Variants in SYN3 observed in about 807,000 individuals in gnomAD.
SYN3 encodes synapsin-3.
A neutral mutation model predicts 65.8 loss-of-function variants in SYN3; 35 were observed. The observed-to-expected ratio is 0.53, with a 90% CI of 0.41 to 0.70. The LOEUF (loss-of-function observed/expected upper bound fraction) is 0.70, where lower values mean the gene tolerates loss of function less well. Ranked by LOEUF, SYN3 falls within the 30% of genes least tolerant of loss-of-function variation. SYN3 has a pLI of 0.00. For synonymous variants in SYN3, 270 were observed against 292.9 expected, an observed-to-expected ratio of 0.92 and a Z score of 0.80; for missense variants, 680 against 749.0, an observed-to-expected ratio of 0.91 and a Z score of 1.08.
chr22:32,519,033 C>T (rs992368792), intron 12 of SYN3, among the ~76,000 whole-genome samples: 1 of 152,160 alleles, frequency 6.6e-6, no homozygotes, highest in African/African-American at 2.4e-5. Context: ...ACAAAGAAGG[C>T]TGCCATCTGC....
intron 6 of SYN3, among the ~76,000 whole-genome samples, chr22:32,850,302 C>T (rs1163644245): frequency 6.6e-6 from 1 of 151,938 alleles, no homozygotes; most frequent in Non-Finnish European, 1.5e-5. Context: ...TCCTGGGCCG[C>T]AGTTTTGCCA....
At chr22:32,812,354 T>C (rs900350192) in intron 6 of SYN3, among the ~76,000 whole-genome samples, 5 of 152,170 alleles carry the variant, frequency 3.3e-5, no homozygotes, top group African/African-American at 1.2e-4. Context: ...AAACCTCTAG[T>C]GAGCTGAGAT....
chr22:32,796,391 A>G (rs1156384713), intron 6 of SYN3, among the ~76,000 whole-genome samples: 1 of 152,190 alleles, frequency 6.6e-6, no homozygotes, highest in African/African-American at 2.4e-5. Flanking sequence ...CTGAGGATTC[A>G]TGCGAATGTA....
At chr22:32,555,207 C>T (rs927807184) in intron 7 of SYN3, among the ~76,000 whole-genome samples, 1 of 152,158 alleles carries the variant, frequency 6.6e-6, no homozygotes, top group African/African-American at 2.4e-5. Flanking sequence ...CTGAAACTCA[C>T]AAGCTGTAAC....
At chr22:32,822,491 G>T (rs2047278391) in intron 6 of SYN3, among the ~76,000 whole-genome samples, 1 of 152,192 alleles carries the variant, frequency 6.6e-6, no homozygotes, top group African/African-American at 2.4e-5. Context: ...GTATGTTCCT[G>T]TGCATCGAAA....
At chr22:32,635,742 A>G (rs974014899) in intron 6 of SYN3, among the ~76,000 whole-genome samples, 3 of 152,184 alleles carry the variant, frequency 2.0e-5, no homozygotes, top group Non-Finnish European at 4.4e-5. Flanking sequence ...TGTTCTCCAA[A>G]TCAGATGGAG....
At chr22:32,978,445 A>C (rs1209762876) in intron 3 of SYN3, among the ~76,000 whole-genome samples, 1 of 152,022 alleles carries the variant, frequency 6.6e-6, no homozygotes. Context: ...TATTTTGGAG[A>C]ACCACACCGC....
At position 32,751,607 on chromosome 22, in the gene SYN3, G is replaced by A. The variant is rs150797290; in HGVS notation, c.711+113308C>T. Among the ~76,000 whole-genome samples, 522 of 152,340 alleles carry A rather than the reference G, an allele frequency of 3.4e-3. 1 individual carries two copies. Among genetic ancestry groups the A allele is most frequent in the African/African-American group, 0.012 (488 of 41,574 alleles). On this transcript the variant is annotated intron_variant, in intron 6 of 13. Transcript: ENST00000358763. ...AGTTTCTGGTGGTGACCTTGGCAGAGGGTGTTGACAGCAGTGGGATATCAC... is the reference window on the plus strand; with the variant it reads ...AGTTTCTGGTGGTGACCTTGGCAGAAGGTGTTGACAGCAGTGGGATATCAC...
chr22:32,820,192 C>A (rs2047197269), intron 6 of SYN3, among the ~76,000 whole-genome samples: 1 of 152,070 alleles, frequency 6.6e-6, no homozygotes, highest in African/African-American at 2.4e-5. Context: ...CTTCCTCACT[C>A]CCTCAGGGCA....
chr22:33,006,523 G>A lies in SYN3; in HGVS notation c.140C>T (p.Pro47Leu). ...SPAMERRHPQPLAASFSSPGS... is the reference protein window; with the variant it reads ...SPAMERRHPQLLAASFSSPGS... ...TGGAGAGGAGAAGGAGGCAGCCAGG[G>A]GCTGGGGGTGCCTCCTCTCCATGGC... Residue 47 changes from proline (P) to leucine (L), a missense_variant, in exon 2 of 14, where the codon CCC (proline) becomes CTC (leucine). Coordinates refer to ENST00000358763, the MANE Select transcript of SYN3 (RefSeq NM_003490.4). The A allele has an allele frequency of 1.2e-6, 2 of 1,614,236 alleles. No homozygotes were observed. Among genetic ancestry groups the A allele is most frequent in the Non-Finnish European group, 8.5e-7 (1 of 1,180,046 alleles).
intron 6 of SYN3, among the ~76,000 whole-genome samples, chr22:32,708,847 T>G (rs1017309640): frequency 2.6e-5 from 4 of 152,234 alleles, no homozygotes; most frequent in African/African-American, 9.6e-5. Context: ...CACGGGGCCC[T>G]TGAGCCAGCC....
rs561800922 is a variant in SYN3 at position 32,697,164 on chromosome 22, C to T, written c.712-100428G>A. On this transcript the variant is annotated intron_variant, in intron 6 of 13. Coordinates refer to ENST00000358763, the MANE Select transcript of SYN3 (RefSeq NM_003490.4). ...GGAGACCCTCTCCTGCTTTAAATGC[C>T]CTGATCTAAGTGGGCCACTCTATTA... Among the ~76,000 whole-genome samples, 9 of 152,238 alleles carry T rather than the reference C, an allele frequency of 5.9e-5. No individual in the cohort carries two copies. The East Asian group carries it at 1.7e-3, about 29-fold the overall frequency.
intron 6 of SYN3, among the ~76,000 whole-genome samples, chr22:32,666,986 T>C (rs2060297798): frequency 6.6e-6 from 1 of 152,188 alleles, no homozygotes; most frequent in Non-Finnish European, 1.5e-5. Context: ...ATGCCATCCT[T>C]CAAGGTCTGG....
intron 1 of SYN3, among the ~76,000 whole-genome samples, chr22:33,034,203 C>T (rs530774416): frequency 6.6e-6 from 1 of 151,380 alleles, no homozygotes; most frequent in African/African-American, 2.4e-5. Flanking sequence ...AACACACACA[C>T]ACAATTAAAA....
In SYN3 at chr22:32,779,882, A is replaced by C. The variant is rs112533127; in HGVS notation, c.711+85033T>G. Among the ~76,000 whole-genome samples, 1,198 of 152,218 alleles carry C rather than the reference A, an allele frequency of 7.9e-3. 5 individuals are homozygous for C. The highest frequency in any genetic ancestry group is 0.022 in the South Asian group (105 of 4,826). ...CATTCTGCCCTGGGATAACCTGGGC[A>C]GAAAAGCCAAACACAGCAGGGGAGC... is the stretch of plus-strand genomic sequence containing the variant. On this transcript the variant is annotated intron_variant, in intron 6 of 13. Coordinates refer to ENST00000358763, the MANE Select transcript of SYN3 (RefSeq NM_003490.4).
At chr22:32,806,241 T>C (rs1007366244) in intron 6 of SYN3, among the ~76,000 whole-genome samples, 4 of 152,126 alleles carry the variant, frequency 2.6e-5, no homozygotes, top group African/African-American at 9.7e-5. Flanking sequence ...GGTGCCCCTC[T>C]GACAGTTCTG....
chr22:32,743,248 C>T (rs2044828179), intron 6 of SYN3, among the ~76,000 whole-genome samples: 1 of 152,160 alleles, frequency 6.6e-6, no homozygotes, highest in Non-Finnish European at 1.5e-5. Context: ...AGGGGGCGGC[C>T]TTGTGAGATG....
intron 6 of SYN3, among the ~76,000 whole-genome samples, chr22:32,656,305 C>T (rs936105296): frequency 2.0e-5 from 3 of 152,152 alleles, no homozygotes; most frequent in Non-Finnish European, 4.4e-5. Context: ...CTAAAGAAGC[C>T]TCAGTTTGCT....
rs78458591 is a variant in SYN3, at chr22:32,615,493, G to T, written c.712-18757C>A. ...ACTACAGATGGAGAAATGGAGTCAGGGAGGGAACAACAGGGGCACAGGGTC... is the reference window on the plus strand; with the variant it reads ...ACTACAGATGGAGAAATGGAGTCAGTGAGGGAACAACAGGGGCACAGGGTC... On this transcript the variant is annotated intron_variant, in intron 6 of 13. Coordinates refer to ENST00000358763, the MANE Select transcript of SYN3 (RefSeq NM_003490.4). 4.6e-3 allele frequency among the ~76,000 whole-genome samples: 694 copies of T among 151,886 alleles called. 6 individuals carry two copies. The highest frequency in any genetic ancestry group is 0.016 in the African/African-American group (661 of 41,410).
Sources: gnomAD v4.1 joint callset for allele counts (sites outside exome capture counted in the v4.1 genomes callset) on GRCh38, gnomAD v4.1.1 for gene constraint, MANE v1.5 for transcripts, NCBI Gene and HGNC (gene_info 2026-07-23, HGNC 2026-07-21) for gene names.